The following TJP1 variants were observed in gnomAD, a reference collection of about 807,000 sequenced individuals.
TJP1 encodes the protein tight junction protein 1, also known as tight junction protein ZO-1.
In TJP1, 43 loss-of-function variants were observed where a neutral mutation model predicts 194.2. The observed-to-expected ratio is 0.22, with a 90% CI of 0.17 to 0.29. TJP1 has a LOEUF of 0.29. TJP1 is among the 10% of genes least tolerant of loss of function. The probability of loss-of-function intolerance (pLI) is 1.00; values close to 1 mark genes in which losing one functional copy is unlikely to be tolerated. For synonymous variants in TJP1, 801 were observed against 779.0 expected, an observed-to-expected ratio of 1.03 and a Z score of -0.47; for missense variants, 1,971 against 2,185.7, an observed-to-expected ratio of 0.90 and a Z score of 1.96.
chr15:29,791,031 C>T (rs541663708), intron 2 of TJP1, among the ~76,000 whole-genome samples: 37 of 151,816 alleles, frequency 2.4e-4, no homozygotes, highest in African/African-American at 8.7e-4. Context: ...TTGATATACT[C>T]GTTTCCTTTT....
chr15:29,860,441 C>T (rs2052033776), intron 2 of TJP1, among the ~76,000 whole-genome samples: 1 of 152,114 alleles, frequency 6.6e-6, no homozygotes, highest in South Asian at 2.1e-4. Flanking sequence ...CCTCAACTCC[C>T]TAGTCCCTGG....
At chr15:29,896,388 C>T (rs2053477679) in intron 2 of TJP1, among the ~76,000 whole-genome samples, 1 of 152,202 alleles carries the variant, frequency 6.6e-6, no homozygotes, top group South Asian at 2.1e-4. Context: ...GATTGTGAGG[C>T]CTCCCCAGCC....
intron 8 of TJP1, among the ~76,000 whole-genome samples, chr15:29,746,805 T>C (rs2044817525): frequency 1.3e-5 from 2 of 152,146 alleles, no homozygotes; most frequent in Non-Finnish European, 2.9e-5. Flanking sequence ...ATAAGTACTT[T>C]GCATAGTTTC....
At chr15:29,708,286 C>A (rs2042027198) in intron 25 of TJP1, among the ~76,000 whole-genome samples, 1 of 151,824 alleles carries the variant, frequency 6.6e-6, no homozygotes, top group East Asian at 1.9e-4. Context: ...TGACCCTGGG[C>A]AAACTGCTTA....
At chr15:29,894,058 T>C (rs1394901283) in intron 2 of TJP1, among the ~76,000 whole-genome samples, 1 of 152,230 alleles carries the variant, frequency 6.6e-6, no homozygotes, top group Non-Finnish European at 1.5e-5. Context: ...GTCTAGTTTT[T>C]ACTGGTGATT....
In TJP1 at chr15:29,822,407, C is replaced by G; in HGVS notation, c.-379G>C. ...CTTCGCCACGTAACTTCCCGGGAAC[C>G]GGCGGCCGCCAAGGAACGCGGCGTC... On this transcript the variant is annotated 5_prime_UTR_variant, in exon 1 of 28. Transcript: ENST00000614355. 2.0e-6 allele frequency: 2 copies of G among 995,452 alleles called. No homozygotes were observed. Among genetic ancestry groups the G allele is most frequent in the Non-Finnish European group, 2.4e-6 (2 of 836,562 alleles). 61.7% of individuals were successfully genotyped at this position (995,452 alleles called of 1,614,324 possible). A position where few individuals can be genotyped will look rare whatever the true frequency, so the allele number is the denominator to read the frequency against.
intron 2 of TJP1, among the ~76,000 whole-genome samples, chr15:29,919,831 G>A (rs1486673245): frequency 6.6e-6 from 1 of 152,196 alleles, no homozygotes; most frequent in East Asian, 1.9e-4. Context: ...GAGGCAGATG[G>A]CAGGGCTAAG....
chr15:29,800,033 A>C (rs981665943), intron 2 of TJP1, among the ~76,000 whole-genome samples: 2 of 152,214 alleles, frequency 1.3e-5, no homozygotes, highest in African/African-American at 4.8e-5. Context: ...GTTCCATTTT[A>C]AACTTGTGAA....
At chr15:29,719,203 TG>T in intron 20 of TJP1, 65 bp from the exon 21 acceptor site, 5 of 1,433,232 alleles carry the variant, frequency 3.5e-6, no homozygotes, top group Non-Finnish European at 4.7e-6. Flanking sequence ...TTTATTAGAC[TG>T]TGATTAAATA....
intron 2 of TJP1, 123 bp downstream of exon 2, chr15:29,800,523 A>C: frequency 1.2e-6 from 1 of 856,932 alleles, no homozygotes; most frequent in Non-Finnish European, 1.8e-6. Flanking sequence ...AATTTTAAAC[A>C]AAAGAATATA....
Position 29,943,628 on chromosome 15 carries a change from CAAAAAAAAAAA to C in TJP1, c.306+12593_306+12603del, listed in dbSNP as rs71103417. On this transcript the variant is annotated intron_variant, in intron 2 of 28. Transcript: ENST00000356107. ...GGCTGACAACAGTGAGACTCCATCT[CAAAAAAAAAAA>C]AAAAAAAAAAAAAAGGCAATATTTT... 1.4e-4 allele frequency among the ~76,000 whole-genome samples: 7 copies of C among 51,016 alleles called. No individual in the cohort carries two copies. In the Admixed American group the frequency reaches 1.5e-3, roughly 11 times the overall value. 33.5% of individuals were successfully genotyped at this position (51,016 alleles called of 152,430 possible).
At chr15:29,758,408 A>G (rs2045786670) in intron 8 of TJP1, among the ~76,000 whole-genome samples, 1 of 152,184 alleles carries the variant, frequency 6.6e-6, no homozygotes. Context: ...AAATCACAAT[A>G]TAACACAAAA....
rs1487327146 is a variant in TJP1, at chr15:29,830,328, T to C, written c.307-29626A>G. Among the ~76,000 whole-genome samples the C allele has an allele frequency of 2.7e-5, 4 of 149,996 alleles. No individual in the cohort carries two copies. In the South Asian group the frequency reaches 8.4e-4, roughly 31 times the overall value. ...TGTCAGAATAATATTATTTATATGA[T>C]AAATGTATAATAATTATATATAATG... On this transcript the variant is annotated intron_variant, in intron 2 of 28. Coordinates refer to the TJP1 transcript ENST00000356107.
chr15:29,846,934 A>G (rs1567129522), intron 2 of TJP1, among the ~76,000 whole-genome samples: 1 of 141,902 alleles, frequency 7.0e-6, no homozygotes, highest in Non-Finnish European at 1.6e-5. Flanking sequence ...TCAAAGAAAA[A>G]AAAGAAAGAA....
At chr15:29,827,383 G>A (rs571036085), upstream of TJP1, among the ~76,000 whole-genome samples, 13 of 152,262 alleles carry the variant, frequency 8.5e-5, no homozygotes, top group South Asian at 4.1e-4. Flanking sequence ...CCCTCTGACC[G>A]TCTGTACTTG....
At chr15:29,817,516 T>TAAAG in intron 1 of TJP1, among the ~76,000 whole-genome samples, 1 of 152,294 alleles carries the variant, frequency 6.6e-6, no homozygotes, top group South Asian at 2.1e-4. Flanking sequence ...CATTCTCCTA[T>TAAAG]AAAGACACAT....
chr15:29,929,463 G>A (rs374882179), intron 2 of TJP1, among the ~76,000 whole-genome samples: 27 of 152,206 alleles, frequency 1.8e-4, no homozygotes, highest in African/African-American at 5.8e-4. Flanking sequence ...TTGGGAGGCC[G>A]GGGGAAGTGG....
chr15:29,915,032 A>G (rs540937192), intron 2 of TJP1, among the ~76,000 whole-genome samples: 2 of 152,342 alleles, frequency 1.3e-5, no homozygotes, highest in East Asian at 3.9e-4. Context: ...TACTCTGGAA[A>G]TGCATGATGG....
intron 2 of TJP1, among the ~76,000 whole-genome samples, chr15:29,930,184 A>T (rs900739960): frequency 6.6e-6 from 1 of 152,224 alleles, no homozygotes; most frequent in African/African-American, 2.4e-5. Context: ...CAAAATGCAG[A>T]TAATCTCTAT....
Sources: allele counts gnomAD v4.1 joint callset (sites outside exome capture counted in the v4.1 genomes callset), GRCh38; gene constraint gnomAD v4.1.1; transcripts MANE v1.5; gene names NCBI Gene and HGNC (gene_info 2026-07-23, HGNC 2026-07-21).